OPRM1: variants seen among roughly 807,000 people sequenced by gnomAD.
OPRM1 encodes opioid receptor mu 1, also known as mu-type opioid receptor.
A neutral mutation model predicts 31.8 loss-of-function variants in OPRM1; 27 were observed. The ratio of observed to expected loss-of-function variants is 0.85; its 90% CI spans 0.63 to 1.17. The LOEUF (loss-of-function observed/expected upper bound fraction) is 1.17, where lower values mean the gene tolerates loss of function less well. Among genes scored for constraint, OPRM1 ranks in the 50% most tolerant of loss-of-function variants. The probability of loss-of-function intolerance (pLI) is 0.00; values close to 1 mark genes in which losing one functional copy is unlikely to be tolerated. For synonymous variants in OPRM1, 196 were observed against 189.9 expected (o/e 1.03, Z -0.26); for missense variants, 536 against 511.1 (o/e 1.05, Z -0.47).
At chr6:154,180,335 CAAGAAAGGAGACATATATATATATATA>C (rs1562526517) in intron 3 of OPRM1, among the ~76,000 whole-genome samples, 3 of 131,980 alleles carry the variant, frequency 2.3e-5, no homozygotes, top group Admixed American at 1.5e-4. Context: ...TAGTTAGACT[CAAGAAAGGAGACATATATATATATATA>C]CTGAGCTAGT....
chr6:154,058,172 A>G lies in OPRM1; in HGVS notation c.290+18338A>G, dbSNP rs567791646. Among the ~76,000 whole-genome samples the G allele has an allele frequency of 2.0e-5, 3 of 152,268 alleles. No homozygotes were observed. The South Asian group carries it at 6.2e-4, about 32-fold the overall frequency. ...ACAGCATATGAATGAAAGAATTAAC[A>G]TGCTTTCTACACACCCTTGCTTTTA... On this transcript the variant is annotated intron_variant, in intron 1 of 3. Transcript: ENST00000330432.
chr6:154,142,913 C>G (rs944823089), intron 3 of OPRM1, among the ~76,000 whole-genome samples: 7 of 152,108 alleles, frequency 4.6e-5, no homozygotes, highest in Non-Finnish European at 8.8e-5. Flanking sequence ...ATCTGAGGTT[C>G]CCCCAATTCC....
At chr6:154,147,406 A>G (rs1798387226) in intron 3 of OPRM1, among the ~76,000 whole-genome samples, 2 of 152,290 alleles carry the variant, frequency 1.3e-5, no homozygotes, top group Non-Finnish European at 2.9e-5. Flanking sequence ...GTGATACATT[A>G]TCTCCCTCCT....
intron 1 of OPRM1, among the ~76,000 whole-genome samples, chr6:154,069,936 C>T (rs1446413092): frequency 2.0e-5 from 3 of 151,956 alleles, no homozygotes; most frequent in African/African-American, 7.3e-5. Context: ...GTCTGACCCC[C>T]AAAAAAGGAT....
intron 3 of OPRM1, among the ~76,000 whole-genome samples, chr6:154,234,191 C>T (rs1779935171): frequency 6.6e-6 from 1 of 152,082 alleles, no homozygotes; most frequent in Non-Finnish European, 1.5e-5. Context: ...GAGACCCCAT[C>T]TCTAAAAAAA....
At chr6:154,067,146 A>AT (rs140816156) in intron 1 of OPRM1, among the ~76,000 whole-genome samples, 10 of 149,520 alleles carry the variant, frequency 6.7e-5, no homozygotes, top group East Asian at 2.0e-4. Context: ...CACTTTCTCT[A>AT]TTTTTTTTTA....
intron 3 of OPRM1, chr6:154,109,057 C>T (rs986399439): frequency 7.1e-6 from 7 of 984,118 alleles, no homozygotes; most frequent in Middle Eastern, 5.2e-4. Flanking sequence ...ATTCTAGTGT[C>T]TAGAACCAAA....
chr6:154,159,583 T>G, intron 3 of OPRM1: 1 of 509,316 alleles, frequency 2.0e-6, no homozygotes. Context: ...GAGCTCCCAG[T>G]AGGAACACAA....
rs931832030 is a variant in OPRM1, at chr6:154,129,552, A to C, written c.*10831A>C. ...TCCACATAATTGAGTTTTAGTGCCCACTGTTACAGAAAATCATAATGGAAA... is the reference window on the plus strand; with the variant it reads ...TCCACATAATTGAGTTTTAGTGCCCCCTGTTACAGAAAATCATAATGGAAA... On this transcript the variant is annotated 3_prime_UTR_variant, in exon 4 of 4. Transcript: ENST00000330432. 6.6e-6 allele frequency among the ~76,000 whole-genome samples: 1 copy of C among 152,200 alleles called. No homozygotes were observed. Among genetic ancestry groups the C allele is most frequent in the African/African-American group, 2.4e-5 (1 of 41,436 alleles).
intron 3 of OPRM1, among the ~76,000 whole-genome samples, chr6:154,162,507 C>T (rs537473230): frequency 7.5e-4 from 114 of 152,330 alleles, no homozygotes; most frequent in African/African-American, 2.7e-3. Context: ...ACTTATTTAT[C>T]AGCAGCACCT....
rs940194414 is a variant in OPRM1 at position 154,121,474 on chromosome 6, C to A, written c.*2753C>A. 1.3e-5 allele frequency among the ~76,000 whole-genome samples: 2 copies of A among 152,180 alleles called. No individual in the cohort carries two copies. The highest frequency in any genetic ancestry group is 2.4e-5 in the African/African-American group (1 of 41,466). ...TGTGGCCATTTGAAACACTTCTCAA[C>A]ATTGAAATAGACAGTTGAAGTTTTA... On this transcript the variant is annotated 3_prime_UTR_variant, in exon 4 of 4. Coordinates refer to ENST00000330432, the MANE Select transcript of OPRM1 (RefSeq NM_000914.5).
rs200245799 is a variant in OPRM1, at chr6:154,091,062, G to C, written c.754G>C (p.Val252Leu). ...AFIMPVLIIT[V>L]CYGLMILRLK... Reference sequence around the variant, plus strand: ...CATTATGCCAGTGCTCATCATTACCGTGTGCTATGGACTGATGATCTTGCG... The same window carrying C: ...CATTATGCCAGTGCTCATCATTACCCTGTGCTATGGACTGATGATCTTGCG... The change falls in exon 3 of 4, where the codon GTG becomes CTG. Residue 252 changes from valine to leucine, a missense_variant. Physicochemically the swap from Val to Leu is conservative, Grantham distance 32. Transcript: ENST00000330432. The C allele has an allele frequency of 1.9e-6, 3 of 1,614,064 alleles. No individual in the cohort carries two copies. In the South Asian group the frequency reaches 3.3e-5, roughly 18 times the overall value.
chr6:154,236,748 C>T (rs1021885738), intron 3 of OPRM1, among the ~76,000 whole-genome samples: 3 of 152,130 alleles, frequency 2.0e-5, no homozygotes, highest in African/African-American at 7.2e-5. Context: ...GACATAGAGG[C>T]GAGGCCCAGA....
In OPRM1 at chr6:154,115,342, C is replaced by A. The variant is rs569464560; in HGVS notation, c.1165-3341C>A. On this transcript the variant is annotated intron_variant, in intron 3 of 3. Transcript: ENST00000330432. ...ATCGCTTGAGCTCAGGAGTTCGAGA[C>A]CAGCCTGGGCAACATCGTGAAACCC... Among the ~76,000 whole-genome samples, 8 of 152,124 alleles carry A rather than the reference C, an allele frequency of 5.3e-5. No individual in the cohort carries two copies. In the East Asian group the frequency reaches 1.6e-3, roughly 30 times the overall value.
chr6:154,172,847 A>G (rs1799987194), intron 3 of OPRM1, among the ~76,000 whole-genome samples: 3 of 152,196 alleles, frequency 2.0e-5, no homozygotes, highest in African/African-American at 7.2e-5. Flanking sequence ...TAACGGACAG[A>G]CCACTTCCTC....
chr6:154,215,076 C>G (rs1562546181), intron 3 of OPRM1, among the ~76,000 whole-genome samples: 1 of 152,108 alleles, frequency 6.6e-6, no homozygotes, highest in Non-Finnish European at 1.5e-5. Context: ...TATTTCTGTA[C>G]CTATTTTGAG....
intron 3 of OPRM1, among the ~76,000 whole-genome samples, chr6:154,173,054 C>T (rs961717209): frequency 2.6e-5 from 4 of 152,228 alleles, no homozygotes; most frequent in Non-Finnish European, 4.4e-5. Flanking sequence ...CAGCAAACTC[C>T]AACAGACGTG....
intron 3 of OPRM1, among the ~76,000 whole-genome samples, chr6:154,162,064 C>T (rs775221511): frequency 6.6e-6 from 1 of 152,144 alleles, no homozygotes; most frequent in Non-Finnish European, 1.5e-5. Context: ...TCCTATTGCC[C>T]ACGAACTACA....
At chr6:154,087,073 T>C in intron 1 of OPRM1, 7 of 984,722 alleles carry the variant, frequency 7.1e-6, no homozygotes, top group Non-Finnish European at 7.2e-6. Context: ...TCAAGTTAAA[T>C]GGCTCTATCT....
Sources: gnomAD v4.1 joint callset for allele counts (sites outside exome capture counted in the v4.1 genomes callset) on GRCh38, gnomAD v4.1.1 for gene constraint, MANE v1.5 for transcripts, NCBI Gene and HGNC (gene_info 2026-07-23, HGNC 2026-07-21) for gene names.